FHIT: variants seen among roughly 807,000 people sequenced by gnomAD.
FHIT encodes the protein bis(5'-adenosyl)-triphosphatase.
In FHIT, 19 loss-of-function variants were observed where a neutral mutation model predicts 17.9. The ratio of observed to expected loss-of-function variants is 1.06; its 90% CI spans 0.74 to 1.56. The LOEUF (loss-of-function observed/expected upper bound fraction) is 1.56. Ranked by LOEUF, FHIT falls within the 40% of genes most tolerant of loss-of-function variation. The probability of loss-of-function intolerance (pLI) is 0.00; values close to 1 mark genes in which losing one functional copy is unlikely to be tolerated. For missense variants in FHIT, 248 were observed against 189.2 expected (o/e 1.31, Z -1.82); for synonymous variants, 81 against 69.7 (o/e 1.16, Z -0.81).
intron 2 of FHIT, among the ~76,000 whole-genome samples, chr3:61,115,976 A>C (rs1429302102): frequency 6.6e-6 from 1 of 152,202 alleles, no homozygotes; most frequent in Non-Finnish European, 1.5e-5. Flanking sequence ...TAGCTGCACC[A>C]GATGGCTTAC....
intron 4 of FHIT, among the ~76,000 whole-genome samples, chr3:60,622,443 A>G (rs2039160604): frequency 6.6e-6 from 1 of 152,108 alleles, no homozygotes; most frequent in South Asian, 2.1e-4. Context: ...GGACTAACAC[A>G]CTTAAGAGAG....
chr3:60,270,668 T>C (rs941924109), intron 5 of FHIT, among the ~76,000 whole-genome samples: 1 of 152,096 alleles, frequency 6.6e-6, no homozygotes, highest in Non-Finnish European at 1.5e-5. Flanking sequence ...GGAAAAAAGC[T>C]CAAATAAAAA....
intron 2 of FHIT, among the ~76,000 whole-genome samples, chr3:61,125,989 G>T (rs9880554): frequency 0.27 from 41,046 of 152,014 alleles, 5,882 homozygotes; most frequent in African/African-American, 0.38. Context: ...GCTGCTCAGG[G>T]TATTAAGTAA....
chr3:60,954,223 T>C (rs1553778093), intron 3 of FHIT, among the ~76,000 whole-genome samples: 1 of 152,224 alleles, frequency 6.6e-6, no homozygotes, highest in Non-Finnish European at 1.5e-5. Context: ...ACATAATTGA[T>C]TGACCTTTGC....
intron 5 of FHIT, among the ~76,000 whole-genome samples, chr3:60,359,277 C>CTTTTTTTTTTTT (rs71089599): frequency 9.1e-6 from 1 of 109,918 alleles, no homozygotes; most frequent in African/African-American, 3.5e-5. Flanking sequence ...ATGAAAATAT[C>CTTTTTTTTTTTT]TTTTTTTTTT....
At position 60,107,753 on chromosome 3, in the gene FHIT, G is replaced by C. The variant is rs75362386; in HGVS notation, c.104-93601C>G. Among the ~76,000 whole-genome samples the C allele has an allele frequency of 9.9e-3, 1,501 of 152,252 alleles. 85 individuals carry two copies. In the East Asian group the frequency reaches 0.15, roughly 15 times the overall value. On this transcript the variant is annotated intron_variant, in intron 5 of 9. Coordinates refer to ENST00000492590, the MANE Select transcript of FHIT (RefSeq NM_002012.4). ...AAGGTTTAGGTCACTTATGAGGTCT[G>C]ATATCATCTGTTTCTTTCAGGCCTA...
At chr3:60,747,835 T>A (rs1168452276) in intron 4 of FHIT, among the ~76,000 whole-genome samples, 4 of 152,118 alleles carry the variant, frequency 2.6e-5, no homozygotes, top group African/African-American at 9.7e-5. Context: ...GGTTATATAA[T>A]CAGCAATGCC....
intron 8 of FHIT, among the ~76,000 whole-genome samples, chr3:59,770,906 C>T (rs1435466221): frequency 6.6e-6 from 1 of 152,194 alleles, no homozygotes; most frequent in Non-Finnish European, 1.5e-5. Flanking sequence ...CTGAAAGAAT[C>T]AATACAACAA....
chr3:60,066,758 G>A (rs574509682), intron 5 of FHIT, among the ~76,000 whole-genome samples: 207 of 143,080 alleles, frequency 1.4e-3, no homozygotes, highest in African/African-American at 4.7e-3. Flanking sequence ...GCGGGTTCAC[G>A]CCATTCTCCT....
intron 4 of FHIT, among the ~76,000 whole-genome samples, chr3:60,744,099 C>A (rs150865687): frequency 6.6e-6 from 1 of 152,040 alleles, no homozygotes; most frequent in East Asian, 1.9e-4. Flanking sequence ...AGACACAGAG[C>A]GATGCTCTGA....
intron 4 of FHIT, among the ~76,000 whole-genome samples, chr3:60,738,287 C>A (rs1158842657): frequency 6.6e-6 from 1 of 152,218 alleles, no homozygotes; most frequent in East Asian, 1.9e-4. Context: ...CCTGTGAAAA[C>A]AAGGTGGATG....
intron 8 of FHIT, among the ~76,000 whole-genome samples, chr3:59,833,972 C>A (rs1047711895): frequency 6.6e-6 from 1 of 152,126 alleles, no homozygotes; most frequent in African/African-American, 2.4e-5. Flanking sequence ...TGAGGCCTCC[C>A]CAGCCATGAG....
Position 60,898,248 on chromosome 3 carries a change from CATAAA to C in FHIT, c.-110-76242_-110-76238del, listed in dbSNP as rs1553762356. On this transcript the variant is annotated intron_variant, in intron 3 of 9. Coordinates refer to ENST00000492590, the MANE Select transcript of FHIT (RefSeq NM_002012.4). ...TACATGGTATTATACTGTATAAAGA[CATAAA>C]ATATTGAACCAAATATTGTGCTCTT... Among the ~76,000 whole-genome samples the C allele has an allele frequency of 4.6e-5, 7 of 152,098 alleles. No homozygotes were observed. In the South Asian group the frequency reaches 8.3e-4, roughly 18 times the overall value.
intron 5 of FHIT, among the ~76,000 whole-genome samples, chr3:60,366,914 T>C (rs1700127682): frequency 6.6e-6 from 1 of 152,174 alleles, no homozygotes; most frequent in Non-Finnish European, 1.5e-5. Context: ...ATTAAATCAT[T>C]TTGTCAACTT....
chr3:60,092,634 G>A (rs1437516069), intron 5 of FHIT, among the ~76,000 whole-genome samples: 1 of 152,162 alleles, frequency 6.6e-6, no homozygotes, highest in Non-Finnish European at 1.5e-5. Context: ...GCCAGCAAGA[G>A]AGGATTAATG....
chr3:60,819,587 C>G (rs1279242072), intron 4 of FHIT, among the ~76,000 whole-genome samples: 1 of 152,160 alleles, frequency 6.6e-6, no homozygotes. Context: ...GGTAATTGCA[C>G]AATTCCTTCT....
At chr3:60,245,068 T>C (rs1012968269) in intron 5 of FHIT, among the ~76,000 whole-genome samples, 1 of 152,012 alleles carries the variant, frequency 6.6e-6, no homozygotes, top group African/African-American at 2.4e-5. Flanking sequence ...TAATCCACTA[T>C]GGTTGACAGA....
intron 7 of FHIT, among the ~76,000 whole-genome samples, chr3:59,956,992 TTCTG>T (rs1707436353): frequency 6.6e-6 from 1 of 152,202 alleles, no homozygotes; most frequent in South Asian, 2.1e-4. Context: ...TATTGTCCAT[TTCTG>T]CCTCTCAAAT....
chr3:60,236,262 G>C (rs1704789440), intron 5 of FHIT, among the ~76,000 whole-genome samples: 2 of 149,160 alleles, frequency 1.3e-5, no homozygotes, highest in Admixed American at 1.4e-4. Flanking sequence ...CTTTCTATGT[G>C]TTTGCCACAC....
Sources: gnomAD v4.1 joint callset for allele counts (sites outside exome capture counted in the v4.1 genomes callset) on GRCh38, gnomAD v4.1.1 for gene constraint, MANE v1.5 for transcripts, NCBI Gene and HGNC (gene_info 2026-07-23, HGNC 2026-07-21) for gene names.